The following DCUN1D5 variants were observed in gnomAD, a reference collection of about 807,000 sequenced individuals.
The protein encoded by DCUN1D5 is defective in cullin neddylation 1 domain containing 5, also known as DCN1-like protein 5.
DCUN1D5 carries 10 observed loss-of-function variants against 38.3 expected under a neutral mutation model. The observed-to-expected ratio is 0.26, with a 90% CI of 0.16 to 0.44. DCUN1D5 has a LOEUF of 0.44. Ranked by LOEUF, DCUN1D5 falls within the 20% of genes least tolerant of loss-of-function variation. The pLI is 1.00. For synonymous variants in DCUN1D5, 93 were observed against 90.9 expected (o/e 1.02, Z -0.13); for missense variants, 148 against 275.3 (o/e 0.54, Z 3.27).
chr11:103,072,618 G>T (rs1351587274), intron 4 of DCUN1D5, among the ~76,000 whole-genome samples: 2 of 152,062 alleles, frequency 1.3e-5, no homozygotes, highest in African/African-American at 4.8e-5. Context: ...GTAGGGACAG[G>T]GATGAAGCTA....
rs951366881 is a variant in DCUN1D5 at position 103,056,546 on chromosome 11, T to C, written c.*5813A>G. Among the ~76,000 whole-genome samples, 6 of 152,158 alleles carry C rather than the reference T, an allele frequency of 3.9e-5. No homozygotes were observed. The highest frequency in any genetic ancestry group is 1.4e-4 in the African/African-American group (6 of 41,436). ...CACTCTCTGGGCCCCTTCCTCAACT[T>C]ACTTTCCCCATATAACCTTGTCACC... On this transcript the variant is annotated 3_prime_UTR_variant, in exon 8 of 8. Transcript: ENST00000260247. The surrounding 1 kb of genome is among the most constrained non-coding windows in gnomAD (Gnocchi z 4.9).
intron 4 of DCUN1D5, among the ~76,000 whole-genome samples, chr11:103,072,293 C>A (rs1406399605): frequency 1.3e-5 from 2 of 150,016 alleles, no homozygotes; most frequent in South Asian, 2.1e-4. Flanking sequence ...TAAACTAGTT[C>A]AACCATTGTG....
At chr11:103,079,057 A>T (rs1367161080) in intron 4 of DCUN1D5, among the ~76,000 whole-genome samples, 2 of 152,262 alleles carry the variant, frequency 1.3e-5, no homozygotes, top group Non-Finnish European at 2.9e-5. Flanking sequence ...CGAGTGAGCC[A>T]GCATATCCAC....
rs769917956 is a variant in DCUN1D5, at chr11:103,062,317, C to A, written c.*42G>T. On this transcript the variant is annotated 3_prime_UTR_variant, in exon 8 of 8. Transcript: ENST00000260247. This position sits in a 1 kb window ranked among gnomAD's most constrained non-coding sequence, Gnocchi z 4.6. ...CCCTCATCACATTAGCTTGTATACA[C>A]GTGGGAATTGAAAGGTTTGCATTTT... 4.4e-6 allele frequency: 7 copies of A among 1,594,350 alleles called. No individual in the cohort carries two copies. The highest frequency in any genetic ancestry group is 1.7e-4 in the Middle Eastern group (1 of 6,044).
At position 103,061,278 on chromosome 11, in the gene DCUN1D5, G is replaced by C. The variant is rs554833216; in HGVS notation, c.*1081C>G. Among the ~76,000 whole-genome samples the C allele has an allele frequency of 3.9e-5, 6 of 152,100 alleles. No homozygotes were observed. In the South Asian group the frequency reaches 1.2e-3, roughly 32 times the overall value. Reference sequence around the variant, plus strand: ...AGAAATGTTTCTGAAGTTGTGACTGGGCTATGAATATGAACAAAGTTTTCA... The same window carrying C: ...AGAAATGTTTCTGAAGTTGTGACTGCGCTATGAATATGAACAAAGTTTTCA... On this transcript the variant is annotated 3_prime_UTR_variant, in exon 8 of 8. Transcript: ENST00000260247.
chr11:103,085,503 G>C (rs992566454), intron 2 of DCUN1D5, among the ~76,000 whole-genome samples: 2 of 152,128 alleles, frequency 1.3e-5, no homozygotes, highest in African/African-American at 4.8e-5. Flanking sequence ...ATTACTTGGT[G>C]ATTACTAATT....
At position 103,077,959 on chromosome 11, in the gene DCUN1D5, A is replaced by T. The variant is rs546621124; in HGVS notation, c.341+4789T>A. On this transcript the variant is annotated intron_variant, in intron 4 of 7. Coordinates refer to ENST00000260247, the MANE Select transcript of DCUN1D5 (RefSeq NM_032299.4). The surrounding 1 kb of genome is among the most constrained non-coding windows in gnomAD (Gnocchi z 4.3). ...GGGCCCCAAATGCTAAATGAATGACAGTCACATCACACACGATGGCATTTC... is the reference window on the plus strand; with the variant it reads ...GGGCCCCAAATGCTAAATGAATGACTGTCACATCACACACGATGGCATTTC... 1.3e-5 allele frequency among the ~76,000 whole-genome samples: 2 copies of T among 152,276 alleles called. No individual in the cohort carries two copies. Among genetic ancestry groups the T allele is most frequent in the African/African-American group, 4.8e-5 (2 of 41,560 alleles).
chr11:103,065,154 CT>C lies in DCUN1D5; in HGVS notation c.556-778del, dbSNP rs527703228. Among the ~76,000 whole-genome samples the C allele has an allele frequency of 7.7e-4, 112 of 144,724 alleles. No homozygotes were observed. The highest frequency in any genetic ancestry group is 8.3e-4 in the Admixed American group (12 of 14,484). The allele number at this position is 144,724 out of a possible 152,430, so 94.9% of individuals were successfully genotyped here. ...GTAAGACCTTTTCATATCATTGTCT[CT>C]TTTTTTTTTTTTCTGAGACAGAGTC... On this transcript the variant is annotated intron_variant, in intron 6 of 7. Coordinates refer to ENST00000260247, the MANE Select transcript of DCUN1D5 (RefSeq NM_032299.4). The surrounding 1 kb of genome is among the most constrained non-coding windows in gnomAD (Gnocchi z 4.6).
rs1283659608 is a variant in DCUN1D5 at position 103,058,879 on chromosome 11, A to C, written c.*3480T>G. Among the ~76,000 whole-genome samples, 2 of 150,432 alleles carry C rather than the reference A, an allele frequency of 1.3e-5. No homozygotes were observed. Among genetic ancestry groups the C allele is most frequent in the African/African-American group, 4.9e-5 (2 of 40,454 alleles). ...AGGTAAGAATTCTTCTTTAGGAGTA[A>C]GACTTTTGGGTTTTTTTGGGGGGGG... On this transcript the variant is annotated 3_prime_UTR_variant, in exon 8 of 8. Coordinates refer to ENST00000260247, the MANE Select transcript of DCUN1D5 (RefSeq NM_032299.4).
chr11:103,062,066 G>T lies in DCUN1D5; in HGVS notation c.*293C>A. On this transcript the variant is annotated 3_prime_UTR_variant, in exon 8 of 8. Transcript: ENST00000260247. This position sits in a 1 kb window ranked among gnomAD's most constrained non-coding sequence, Gnocchi z 4.6. Reference sequence around the variant, plus strand: ...AAATAAATACCACTCTGACACTCAAGGGACATCTTCACTTTAAGGCCTTTG... The same window carrying T: ...AAATAAATACCACTCTGACACTCAATGGACATCTTCACTTTAAGGCCTTTG... 3.1e-6 allele frequency: 1 copy of T among 326,368 alleles called. No homozygotes were observed. The highest frequency in any genetic ancestry group is 4.7e-5 in the Admixed American group (1 of 21,130). The allele number at this position is 326,368 out of a possible 1,614,324, so 20.2% of individuals were successfully genotyped here. A position where few individuals can be genotyped will look rare whatever the true frequency, so the allele number is the denominator to read the frequency against.
intron 2 of DCUN1D5, among the ~76,000 whole-genome samples, chr11:103,088,842 AAG>A (rs1862779465): frequency 6.6e-6 from 1 of 152,224 alleles, no homozygotes; most frequent in South Asian, 2.1e-4. Context: ...AAATTTCAAA[AAG>A]AGAATATTGA....
Position 103,052,811 on chromosome 11 carries a change from G to T in DCUN1D5, c.*9548C>A, listed in dbSNP as rs1202857062. 3.3e-5 allele frequency: 5 copies of T among 152,120 alleles called. No homozygotes were observed. The highest frequency in any genetic ancestry group is 4.1e-4 in the South Asian group (2 of 4,828). The allele number at this position is 152,120 out of a possible 1,614,324, so 9.4% of individuals were successfully genotyped here. On this transcript the variant is annotated 3_prime_UTR_variant, in exon 8 of 8. Transcript: ENST00000260247. Reference sequence around the variant, plus strand: ...GGCTTTTTATAGAGAGAATAAAATAGAAATTCCTAAATAGAAATTCAGTTT... The same window carrying T: ...GGCTTTTTATAGAGAGAATAAAATATAAATTCCTAAATAGAAATTCAGTTT...
chr11:103,072,872 C>A (rs932613010), intron 4 of DCUN1D5, among the ~76,000 whole-genome samples: 1 of 151,884 alleles, frequency 6.6e-6, no homozygotes, highest in Non-Finnish European at 1.5e-5. Context: ...CAAACCTGCA[C>A]GTTGTGCACA....
chr11:103,058,666 TA>T lies in DCUN1D5; in HGVS notation c.*3692del, dbSNP rs138202359. ...TCCTGAAGTAATAAAACTATATCATTAAAAAAAGATATAATCCAGAATATTT... is the reference window on the plus strand; with the variant it reads ...TCCTGAAGTAATAAAACTATATCATTAAAAAAGATATAATCCAGAATATTT... On this transcript the variant is annotated 3_prime_UTR_variant, in exon 8 of 8. Transcript: ENST00000260247. Among the ~76,000 whole-genome samples, 1,054 of 152,120 alleles carry T rather than the reference TA, an allele frequency of 6.9e-3. 9 individuals are homozygous for T. The highest frequency in any genetic ancestry group is 0.024 in the African/African-American group (995 of 41,540).
At chr11:103,070,272 T>G (rs181368837) in intron 4 of DCUN1D5, among the ~76,000 whole-genome samples, 85 of 152,164 alleles carry the variant, frequency 5.6e-4, no homozygotes, top group African/African-American at 1.8e-3. Flanking sequence ...CAGAGTGGAT[T>G]AAAAAAAGCA....
intron 1 of DCUN1D5, among the ~76,000 whole-genome samples, chr11:103,090,327 G>C (rs1464128742): frequency 6.6e-6 from 1 of 152,034 alleles, no homozygotes; most frequent in Non-Finnish European, 1.5e-5. Flanking sequence ...TTCTAATGTT[G>C]ACAAACAAGA....
chr11:103,074,508 C>A (rs140377118), intron 4 of DCUN1D5, among the ~76,000 whole-genome samples: 1 of 152,158 alleles, frequency 6.6e-6, no homozygotes, highest in African/African-American at 2.4e-5. Flanking sequence ...CCGGTTCAAG[C>A]GATTCTCCTG....
rs1862013245 is a variant in DCUN1D5, at chr11:103,061,646, A to G, written c.*713T>C. On this transcript the variant is annotated 3_prime_UTR_variant, in exon 8 of 8. Transcript: ENST00000260247. ...TAAACAAAATTCCCTATATAATGAC[A>G]GTTAAAAATATAAATATGCTATTAT... Among the ~76,000 whole-genome samples the G allele has an allele frequency of 6.6e-6, 1 of 151,906 alleles. No individual in the cohort carries two copies. The highest frequency in any genetic ancestry group is 1.5e-5 in the Non-Finnish European group (1 of 67,938).
rs201800082 is a variant in DCUN1D5 at position 103,063,220 on chromosome 11, G to GTT, written c.659-808_659-807dup. On this transcript the variant is annotated intron_variant, in intron 7 of 7. Transcript: ENST00000260247. The surrounding 1 kb of genome is among the most constrained non-coding windows in gnomAD (Gnocchi z 4.6). Reference sequence around the variant, plus strand: ...CAAACTGAAAAGCAAGTCCAACACAGTTAACACTTGACTCCAGCCTCTGAC... The same window carrying GTT: ...CAAACTGAAAAGCAAGTCCAACACAGTTTTAACACTTGACTCCAGCCTCTGAC... Among the ~76,000 whole-genome samples the GTT allele has an allele frequency of 5.4e-3, 822 of 152,246 alleles. 3 individuals carry two copies. Among genetic ancestry groups the GTT allele is most frequent in the African/African-American group, 0.019 (781 of 41,548 alleles).
Sources: allele counts gnomAD v4.1 joint callset (sites outside exome capture counted in the v4.1 genomes callset), GRCh38; gene constraint gnomAD v4.1.1; non-coding constraint Gnocchi (gnomAD v3.1); transcripts MANE v1.5; gene names NCBI Gene and HGNC (gene_info 2026-07-23, HGNC 2026-07-21).